The following CTBP2 variants were observed in gnomAD, a reference collection of about 807,000 sequenced individuals.
CTBP2 encodes C-terminal binding protein 2.
Under a neutral mutation model 80.3 loss-of-function variants are expected in CTBP2, and 30 were observed. The observed-to-expected ratio is 0.37, with a 90% CI of 0.28 to 0.51. The LOEUF is 0.51. CTBP2 is among the 20% of genes least tolerant of loss of function. CTBP2 has a pLI of 0.93. For synonymous variants in CTBP2, 594 were observed against 587.4 expected (o/e 1.01, Z -0.16); for missense variants, 1,212 against 1,375.3 (o/e 0.88, Z 1.88).
intron 2 of CTBP2, among the ~76,000 whole-genome samples, chr10:125,055,614 A>C (rs1220650045): frequency 2.0e-5 from 3 of 152,196 alleles, no homozygotes; most frequent in African/African-American, 4.8e-5. Flanking sequence ...GCCAGATGCA[A>C]AACACGGCTA....
chr10:125,129,645 G>C (rs1855826396), intron 1 of CTBP2, among the ~76,000 whole-genome samples: 1 of 152,104 alleles, frequency 6.6e-6, no homozygotes, highest in Non-Finnish European at 1.5e-5. Flanking sequence ...ACAAGAGACT[G>C]AAAACAATAC....
chr10:124,999,934 G>C (rs745506585), intron 3 of CTBP2: 16 of 152,184 alleles, frequency 1.1e-4, no homozygotes, highest in Non-Finnish European at 2.4e-4. Flanking sequence ...CTGCTGCCGG[G>C]GCTGGCTCGG....
chr10:125,139,435 G>C (rs1857453037), intron 1 of CTBP2, among the ~76,000 whole-genome samples: 1 of 149,152 alleles, frequency 6.7e-6, no homozygotes, highest in South Asian at 2.1e-4. Flanking sequence ...CCAAATTAAT[G>C]TATTTCTAAT....
At chr10:125,069,372 C>T (rs1845116650) in intron 2 of CTBP2, among the ~76,000 whole-genome samples, 1 of 152,214 alleles carries the variant, frequency 6.6e-6, no homozygotes, top group Non-Finnish European at 1.5e-5. Context: ...TATCCCAGCA[C>T]TTTGGGAGGC....
At chr10:125,078,362 A>C (rs955942899) in intron 2 of CTBP2, among the ~76,000 whole-genome samples, 1 of 151,944 alleles carries the variant, frequency 6.6e-6, no homozygotes, top group African/African-American at 2.4e-5. Context: ...GTTCTAGGAC[A>C]TATTTCCTAG....
chr10:125,017,233 G>A (rs1359684906), intron 1 of CTBP2, among the ~76,000 whole-genome samples: 1 of 152,226 alleles, frequency 6.6e-6, no homozygotes, highest in Non-Finnish European at 1.5e-5. Flanking sequence ...GGGTAGCGGA[G>A]GAAGGTGCAG....
At chr10:125,136,830 T>C (rs1245969823) in intron 1 of CTBP2, among the ~76,000 whole-genome samples, 2 of 152,184 alleles carry the variant, frequency 1.3e-5, no homozygotes, top group Non-Finnish European at 2.9e-5. Context: ...CAGGGACATC[T>C]AGGGGCAGAG....
intron 1 of CTBP2, among the ~76,000 whole-genome samples, chr10:125,020,468 G>A (rs1170212004): frequency 6.6e-6 from 1 of 152,202 alleles, no homozygotes; most frequent in Non-Finnish European, 1.5e-5. Context: ...CTGTAGACAT[G>A]AGGAGGTCAG....
rs1474969836 is a variant in CTBP2, at chr10:125,027,452, C to A, written c.308G>T (p.Ser103Ile). 6.2e-7 allele frequency: 1 copy of A among 1,614,032 alleles called. No homozygotes were observed. Among genetic ancestry groups the A allele is most frequent in the East Asian group, 2.2e-5 (1 of 44,886 alleles). Residue 103 changes from serine to isoleucine, a missense_variant, in exon 1 of 9, where the codon AGC becomes ATC. By Grantham distance (142) the Ser-to-Ile change is moderately radical. Around this residue, in one of 3 missense-constraint regions of CTBP2, gnomAD observed 848 missense variants for 782.3 expected, o/e 1.08. Coordinates refer to ENST00000309035, the MANE Select transcript of CTBP2 (RefSeq NM_022802.3). ...GTAGTACTCCCGTGGCAGCAGGGGG[C>A]TGCGACCAGACATCACTGCCTGTCT...
At position 124,994,479 on chromosome 10, in the gene CTBP2, G is replaced by T. The variant is rs141311121; in HGVS notation, c.2390C>A (p.Thr797Asn). 1.3e-5 allele frequency: 21 copies of T among 1,613,904 alleles called. No individual in the cohort carries two copies. The highest frequency in any genetic ancestry group is 1.8e-5 in the Non-Finnish European group (21 of 1,179,828). ...CTATTTTCAAATTACCTGCTTTATG[G>T]TAAAGTCATTGATGAGGTGGTGGTT... The change falls in exon 5 of 9, where the codon ACC becomes AAC. Residue 797 changes from threonine to asparagine, a missense_variant. By Grantham distance (65) the Thr-to-Asn change is moderately conservative (BLOSUM62 0). Transcript: ENST00000309035.
rs181106252 is a variant in CTBP2, at chr10:125,070,863, C to T, written c.-101-31708G>A. 1.2e-4 allele frequency among the ~76,000 whole-genome samples: 18 copies of T among 152,188 alleles called. No homozygotes were observed. In the East Asian group the frequency reaches 2.7e-3, roughly 23 times the overall value. ...TATTTTTAGTAGAGGCAGGATTTCA[C>T]GTTGGCCAGGCTGCTCTCAGTCTCC... is the stretch of plus-strand genomic sequence containing the variant. On this transcript the variant is annotated intron_variant, in intron 2 of 10. Coordinates refer to the CTBP2 transcript ENST00000337195.
chr10:125,142,520 T>A (rs1013831344), intron 1 of CTBP2, among the ~76,000 whole-genome samples: 3 of 152,240 alleles, frequency 2.0e-5, no homozygotes, highest in Admixed American at 2.0e-4. Flanking sequence ...CAGAGAACTT[T>A]CCTCGGTGAT....
intron 2 of CTBP2, among the ~76,000 whole-genome samples, chr10:125,067,949 A>G (rs1749728545): frequency 6.6e-6 from 1 of 152,164 alleles, no homozygotes; most frequent in African/African-American, 2.4e-5. Context: ...GGCACCCCCA[A>G]TTTCACCTCT....
intron 2 of CTBP2, among the ~76,000 whole-genome samples, chr10:125,096,577 G>T (rs990075283): frequency 6.6e-6 from 1 of 152,036 alleles, no homozygotes; most frequent in African/African-American, 2.4e-5. Flanking sequence ...TATAGCACGT[G>T]GTCATTTACA....
chr10:125,109,865 T>A (rs1045405500), intron 2 of CTBP2, among the ~76,000 whole-genome samples: 10 of 152,240 alleles, frequency 6.6e-5, no homozygotes, highest in African/African-American at 2.4e-4. Context: ...GTCACCAAGC[T>A]GGTAAGCAAT....
At chr10:125,050,917 C>T (rs577923085) in intron 2 of CTBP2, among the ~76,000 whole-genome samples, 1 of 152,220 alleles carries the variant, frequency 6.6e-6, no homozygotes, top group South Asian at 2.1e-4. Flanking sequence ...GCCTCCTGCA[C>T]CAAAGTCCTC....
chr10:125,149,594 A>G (rs7074878), intron 1 of CTBP2, among the ~76,000 whole-genome samples: 19,870 of 152,258 alleles, frequency 0.13, 2,717 homozygotes, highest in African/African-American at 0.35. Context: ...CGGCCCCACC[A>G]GAGCCCCAGC....
chr10:124,993,952 G>A lies in CTBP2; in HGVS notation c.2434C>T (p.Arg812Cys), dbSNP rs750347381. 16 of 1,614,082 alleles carry A rather than the reference G, an allele frequency of 9.9e-6. No homozygotes were observed. The highest frequency in any genetic ancestry group is 5.0e-5 in the Admixed American group (3 of 60,014). Residue 812 changes from arginine (R) to cysteine (C), a missense_variant, in exon 6 of 9, where the codon CGT becomes TGT. This residue lies in a region of CTBP2 where 335 missense variants were observed against 504.7 expected (regional missense o/e 0.66). Coordinates refer to ENST00000309035, the MANE Select transcript of CTBP2 (RefSeq NM_022802.3). ...GCTTTCTCGTCCACCAGGCCGCCAC[G>A]GGCTGCGTTCACAAGGAATGCTCCC...
chr10:125,038,897 CTGGCTTGGGGAG>C (rs1959159677), intron 3 of CTBP2, 88 bp downstream of exon 3: 13 of 1,192,546 alleles, frequency 1.1e-5, no homozygotes, highest in Middle Eastern at 2.0e-4. Context: ...AGGAGGGACT[CTGGCTTGGGGAG>C]TGGCACAGCC....
Sources: allele counts gnomAD v4.1 joint callset (sites outside exome capture counted in the v4.1 genomes callset), GRCh38; gene constraint gnomAD v4.1.1; regional missense constraint gnomAD v4.1.1; transcripts MANE v1.5; gene names NCBI Gene and HGNC (gene_info 2026-07-23, HGNC 2026-07-21).